The following NCAPD2 variants were observed in gnomAD, a reference collection of about 807,000 sequenced individuals.
The protein encoded by NCAPD2 is condensin complex subunit 1.
NCAPD2 carries 100 observed loss-of-function variants against 164.5 expected under a neutral mutation model. The ratio of observed to expected loss-of-function variants is 0.61; its 90% CI spans 0.52 to 0.72. The LOEUF (loss-of-function observed/expected upper bound fraction) is 0.72. Ranked by LOEUF, NCAPD2 falls within the 30% of genes least tolerant of loss-of-function variation. NCAPD2 has a pLI of 0.00. For synonymous variants in NCAPD2, 585 were observed against 642.6 expected, an observed-to-expected ratio of 0.91 and a Z score of 1.36; for missense variants, 1,560 against 1,749.2, an observed-to-expected ratio of 0.89 and a Z score of 1.93.
At chr12:6,525,852 A>G (rs1339393860) in intron 18 of NCAPD2, 136 bp downstream of exon 18, 2 of 1,324,646 alleles carry the variant, frequency 1.5e-6, no homozygotes, top group African/African-American at 1.5e-5. Context: ...CCTAAATGGA[A>G]AAGCAAATAG....
At chr12:6,510,573 G>A (rs754502865) in intron 4 of NCAPD2, 56 bp from the exon 5 acceptor site, 1 of 1,587,826 alleles carries the variant, frequency 6.3e-7, no homozygotes, top group Non-Finnish European at 8.6e-7. Context: ...GTGTTTTGAA[G>A]TTGGGGTATA....
At position 6,528,100 on chromosome 12, in the gene NCAPD2, T is replaced by C. The variant is rs1263145464; in HGVS notation, c.3143+9T>C. 1 of 1,614,234 alleles carries C rather than the reference T, an allele frequency of 6.2e-7. No individual in the cohort carries two copies. The highest frequency in any genetic ancestry group is 8.5e-7 in the Non-Finnish European group (1 of 1,180,042). ...AAGTTCTGCATGATCAGGTAGGCCG[T>C]GGGGTTGGTACCCCCTTCTCAAGGA... On this transcript the variant is annotated intron_variant, in intron 24 of 31. Coordinates refer to ENST00000315579, the MANE Select transcript of NCAPD2 (RefSeq NM_014865.4). The surrounding 1 kb of genome is among the most constrained non-coding windows in gnomAD (Gnocchi z 5.1).
chr12:6,521,710 ATAAG>A, intron 14 of NCAPD2, 84 bp from the exon 15 acceptor site: 2 of 1,472,654 alleles, frequency 1.4e-6, no homozygotes, highest in East Asian at 2.3e-5. Context: ...AGGAAAATAA[ATAAG>A]TAAATATCCA....
chr12:6,508,837 C>T (rs954776344), intron 2 of NCAPD2, among the ~76,000 whole-genome samples: 2 of 152,180 alleles, frequency 1.3e-5, no homozygotes, highest in African/African-American at 2.4e-5. Context: ...CCTCTTGATA[C>T]GATGCCTGAG....
intron 16 of NCAPD2, 27 bp downstream of exon 16, chr12:6,523,029 G>C: frequency 1.9e-6 from 3 of 1,611,886 alleles, no homozygotes; most frequent in Non-Finnish European, 2.5e-6. Flanking sequence ...TGCCTTTGCT[G>C]ACTTTTCCAA....
chr12:6,526,303 G>A lies in NCAPD2; in HGVS notation c.2498G>A (p.Arg833His), dbSNP rs768218178. Residue 833 changes from arginine (R) to histidine (H), a missense_variant, in exon 20 of 32, where the codon CGT (arginine) becomes CAT (histidine). Coordinates refer to ENST00000315579, the MANE Select transcript of NCAPD2 (RefSeq NM_014865.4). ...TCTCCACAGCCTTCTCTGGGCAAAC[G>A]TCACCCCCCCTTCCGGCTGCCTCAG... ...SDRRKPSLGK[R>H]HPPFRLPQEH... 28 of 1,614,140 alleles carry A rather than the reference G, an allele frequency of 1.7e-5. No individual in the cohort carries two copies. Among genetic ancestry groups the A allele is most frequent in the Admixed American group, 3.3e-5 (2 of 60,018 alleles).
chr12:6,514,364 A>C lies in NCAPD2; in HGVS notation c.687A>C (p.Val229=), dbSNP rs199503063. 14 of 1,614,230 alleles carry C rather than the reference A, an allele frequency of 8.7e-6. No homozygotes were observed. The East Asian group carries it at 3.1e-4, about 36-fold the overall frequency. Residue 229 remains valine (V), a synonymous_variant, in exon 7 of 32, where the codon GTA becomes GTC. Transcript: ENST00000315579. ...AAGCCATAACACACCTGCTTGGTGT[A>C]GCCTTGACCCGTTATAACCATATGC... is the stretch of plus-strand genomic sequence containing the variant. ...TREAITHLLG[V]ALTRYNHMLS...
intron 2 of NCAPD2, among the ~76,000 whole-genome samples, chr12:6,497,633 T>A (rs1945996188): frequency 1.8e-5 from 1 of 55,360 alleles, no homozygotes; most frequent in Non-Finnish European, 3.3e-5. Flanking sequence ...GTTGTTGTTG[T>A]TGTTGAGACT....
intron 2 of NCAPD2, among the ~76,000 whole-genome samples, chr12:6,498,885 T>C (rs11064234): frequency 0.16 from 23,876 of 152,162 alleles, 2,162 homozygotes; most frequent in East Asian, 0.31. Context: ...ATTACAGGTG[T>C]GAGCCACTGC....
At chr12:6,503,813 A>G (rs1428255907) in intron 2 of NCAPD2, among the ~76,000 whole-genome samples, 6 of 144,606 alleles carry the variant, frequency 4.1e-5, no homozygotes, top group Admixed American at 1.4e-4. Flanking sequence ...CCCCGTCTCT[A>G]CTAAAAAATA....
chr12:6,527,122 C>A, intron 22 of NCAPD2, 59 bp downstream of exon 22: 1 of 1,499,932 alleles, frequency 6.7e-7, no homozygotes, highest in Non-Finnish European at 9.0e-7. Flanking sequence ...CAGAACTGAG[C>A]TGATCCCCTT....
At chr12:6,497,918 CT>C (rs71067120) in intron 2 of NCAPD2, among the ~76,000 whole-genome samples, 54 of 140,044 alleles carry the variant, frequency 3.9e-4, no homozygotes, top group Non-Finnish European at 4.6e-4. Context: ...CGCCCAGCCA[CT>C]TTTTTTTTTT....
Position 6,530,140 on chromosome 12 carries a change from C to T in NCAPD2, c.3837+182C>T, listed in dbSNP as rs559985940. On this transcript the variant is annotated intron_variant, in intron 29 of 31. Transcript: ENST00000315579. ...TTTGTCTCCAGTTCTTTTTTTATTA[C>T]TCCAAAAACACAACCAAAGCAGCAT... 7.2e-4 allele frequency among the ~76,000 whole-genome samples: 109 copies of T among 152,336 alleles called. 3 individuals are homozygous for T. The South Asian group carries it at 0.021, about 30-fold the overall frequency.
intron 2 of NCAPD2, among the ~76,000 whole-genome samples, chr12:6,499,442 C>T (rs1466060558): frequency 6.6e-6 from 1 of 152,094 alleles, no homozygotes; most frequent in African/African-American, 2.4e-5. Context: ...GGTTGGAGTG[C>T]AGTGGCAAGG....
chr12:6,507,843 A>G (rs1015405145), intron 2 of NCAPD2, among the ~76,000 whole-genome samples: 2 of 147,240 alleles, frequency 1.4e-5, no homozygotes, highest in Non-Finnish European at 2.9e-5. Context: ...GCAGAAACGA[A>G]AAAAAGAGAA....
At chr12:6,530,558 C>A in intron 29 of NCAPD2, 133 bp from the exon 30 acceptor site, 1 of 1,095,910 alleles carries the variant, frequency 9.1e-7, no homozygotes, top group Non-Finnish European at 1.3e-6. Context: ...TGGAATGATC[C>A]GGTATGGAGC....
At chr12:6,518,728 C>A (rs1946236102) in intron 13 of NCAPD2, among the ~76,000 whole-genome samples, 1 of 151,362 alleles carries the variant, frequency 6.6e-6, no homozygotes, top group Admixed American at 6.6e-5. Context: ...ACCATATTGG[C>A]CAGGCTGGTC....
chr12:6,513,677 C>T (rs541412200), intron 6 of NCAPD2, among the ~76,000 whole-genome samples: 49 of 140,512 alleles, frequency 3.5e-4, no homozygotes, highest in South Asian at 2.0e-3. Flanking sequence ...TTGAATCAGT[C>T]GTTATATTTA....
intron 2 of NCAPD2, among the ~76,000 whole-genome samples, chr12:6,503,770 AT>A (rs66934244): frequency 0.54 from 74,724 of 138,838 alleles, 20,094 homozygotes; most frequent in African/African-American, 0.6. Flanking sequence ...GACTCCATCT[AT>A]TTTTTTTTTT....
Sources: allele counts gnomAD v4.1 joint callset (sites outside exome capture counted in the v4.1 genomes callset), GRCh38; gene constraint gnomAD v4.1.1; non-coding constraint Gnocchi (gnomAD v3.1); transcripts MANE v1.5; gene names NCBI Gene and HGNC (gene_info 2026-07-23, HGNC 2026-07-21).